Variants in MACROD2 observed in about 807,000 individuals in gnomAD.
MACROD2 encodes mono-ADP ribosylhydrolase 2.
In MACROD2, 36 loss-of-function variants were observed where a neutral mutation model predicts 70.4. The ratio of observed to expected loss-of-function variants is 0.51; its 90% CI spans 0.39 to 0.68. The LOEUF (loss-of-function observed/expected upper bound fraction) is 0.68, where lower values mean the gene tolerates loss of function less well. Among genes scored for constraint, MACROD2 ranks in the 30% least tolerant of loss-of-function variants. The pLI is 0.00. For missense variants in MACROD2, 496 were observed against 538.4 expected, an observed-to-expected ratio of 0.92 and a Z score of 0.78; for synonymous variants, 172 against 178.8, an observed-to-expected ratio of 0.96 and a Z score of 0.30.
intron 3 of MACROD2, among the ~76,000 whole-genome samples, chr20:14,396,081 A>G (rs895304398): frequency 6.6e-6 from 1 of 152,204 alleles, no homozygotes; most frequent in Non-Finnish European, 1.5e-5. Flanking sequence ...CTTCATTGTG[A>G]TAGGACAATA....
At chr20:14,191,524 T>C (rs2081387944) in intron 3 of MACROD2, among the ~76,000 whole-genome samples, 1 of 152,120 alleles carries the variant, frequency 6.6e-6, no homozygotes, top group Non-Finnish European at 1.5e-5. Context: ...ACCTATACCC[T>C]CGTGGAGATA....
intron 5 of MACROD2, among the ~76,000 whole-genome samples, chr20:15,111,241 C>T (rs1437805171): frequency 1.3e-5 from 2 of 149,688 alleles, no homozygotes; most frequent in Non-Finnish European, 3.0e-5. Context: ...GGCGCAATCT[C>T]GGCTCACTGC....
chr20:14,922,614 C>T (rs1465555022), intron 5 of MACROD2, among the ~76,000 whole-genome samples: 1 of 152,128 alleles, frequency 6.6e-6, no homozygotes, highest in Non-Finnish European at 1.5e-5. Flanking sequence ...ATTGAATCTA[C>T]AGCTTTACCG....
At chr20:15,565,777 G>A (rs1395409537) in intron 8 of MACROD2, among the ~76,000 whole-genome samples, 6 of 152,014 alleles carry the variant, frequency 3.9e-5, no homozygotes, top group South Asian at 4.2e-4. Flanking sequence ...TTTTACAGAC[G>A]CGGTCTGGCT....
intron 3 of MACROD2, among the ~76,000 whole-genome samples, chr20:14,349,806 C>CT: frequency 7.0e-6 from 1 of 142,666 alleles, no homozygotes; most frequent in Non-Finnish European, 1.5e-5. Flanking sequence ...GAATCTTATT[C>CT]TTTTTTTCTT....
intron 5 of MACROD2, among the ~76,000 whole-genome samples, chr20:15,136,403 T>C (rs546187665): frequency 2.0e-5 from 3 of 151,960 alleles, no homozygotes; most frequent in Admixed American, 2.0e-4. Context: ...TCAGAAATAA[T>C]GCCGCATATC....
chr20:15,823,314 G>GTA lies in MACROD2; in HGVS notation c.646-39430_646-39429insAT, dbSNP rs1472424875. Among the ~76,000 whole-genome samples, 535 of 138,458 alleles carry GTA rather than the reference G, an allele frequency of 3.9e-3. 1 individual carries two copies. Among genetic ancestry groups the GTA allele is most frequent in the South Asian group, 0.01 (46 of 4,480 alleles). 90.8% of individuals were successfully genotyped at this position (138,458 alleles called of 152,430 possible). ...TGTGTGTGTGTGTGTGTGTGTGTGT[G>GTA]TGTGTGTCTATAGCTGTCTATGCGA... On this transcript the variant is annotated intron_variant, in intron 8 of 17. Transcript: ENST00000684519.
chr20:14,620,264 A>G (rs73899217), intron 4 of MACROD2, among the ~76,000 whole-genome samples: 2,846 of 152,130 alleles, frequency 0.019, 65 homozygotes, highest in African/African-American at 0.043. Context: ...CTCCTGTCCA[A>G]GTGACCCATA....
At chr20:14,945,803 G>T (rs2122718834) in intron 5 of MACROD2, among the ~76,000 whole-genome samples, 1 of 152,220 alleles carries the variant, frequency 6.6e-6, no homozygotes, top group East Asian at 1.9e-4. Flanking sequence ...AAACTTAGTA[G>T]CTCACTATTT....
At chr20:14,392,453 G>A (rs1427118309) in intron 3 of MACROD2, among the ~76,000 whole-genome samples, 1 of 151,996 alleles carries the variant, frequency 6.6e-6, no homozygotes, top group Non-Finnish European at 1.5e-5. Context: ...TCCTTTGAGA[G>A]GGTTTTAAAT....
At chr20:16,024,948 G>A (rs1456859688) in intron 15 of MACROD2, among the ~76,000 whole-genome samples, 2 of 152,004 alleles carry the variant, frequency 1.3e-5, no homozygotes, top group Non-Finnish European at 2.9e-5. Context: ...CTTTTTGTTT[G>A]TTTGTTTGTT....
intron 7 of MACROD2, among the ~76,000 whole-genome samples, chr20:15,486,679 A>G (rs186056939): frequency 6.6e-6 from 1 of 152,164 alleles, no homozygotes; most frequent in African/African-American, 2.4e-5. Flanking sequence ...TATTATGCAG[A>G]GAATATTTTT....
intron 5 of MACROD2, among the ~76,000 whole-genome samples, chr20:14,743,707 A>G (rs954373784): frequency 1.3e-5 from 2 of 152,220 alleles, no homozygotes; most frequent in Non-Finnish European, 2.9e-5. Flanking sequence ...AGTAGGTTGA[A>G]TAATGTCCTT....
chr20:15,095,556 A>C lies in MACROD2; in HGVS notation c.419-134384A>C, dbSNP rs553944990. Reference sequence around the variant, plus strand: ...TTTTTGAGACAGGGTCTTGCTCTGTAGCCCAGGCTGGAGTGCAGTGGCACA... The same window carrying C: ...TTTTTGAGACAGGGTCTTGCTCTGTCGCCCAGGCTGGAGTGCAGTGGCACA... On this transcript the variant is annotated intron_variant, in intron 5 of 17. Transcript: ENST00000684519. Among the ~76,000 whole-genome samples the C allele has an allele frequency of 1.7e-3, 259 of 151,420 alleles. 1 individual carries two copies. Among genetic ancestry groups the C allele is most frequent in the African/African-American group, 6.0e-3 (247 of 41,256 alleles).
chr20:14,649,397 G>A (rs1044175293), intron 4 of MACROD2, among the ~76,000 whole-genome samples: 1 of 152,188 alleles, frequency 6.6e-6, no homozygotes, highest in Non-Finnish European at 1.5e-5. Flanking sequence ...CTGGATGATA[G>A]CAATTTAAGT....
At chr20:15,301,866 C>T (rs1278898715) in intron 6 of MACROD2, among the ~76,000 whole-genome samples, 3 of 152,122 alleles carry the variant, frequency 2.0e-5, no homozygotes, top group Non-Finnish European at 4.4e-5. Context: ...TCTCTCGCGT[C>T]TCATTTTTCC....
chr20:15,798,513 G>C (rs1006830803), intron 8 of MACROD2, among the ~76,000 whole-genome samples: 5 of 152,140 alleles, frequency 3.3e-5, no homozygotes, highest in East Asian at 1.9e-4. Flanking sequence ...GGAAAGTCAC[G>C]AGCATCACTT....
At chr20:15,685,053 T>A (rs1012988123) in intron 8 of MACROD2, among the ~76,000 whole-genome samples, 1 of 152,124 alleles carries the variant, frequency 6.6e-6, no homozygotes, top group African/African-American at 2.4e-5. Context: ...ATAAGTAACA[T>A]TATTATTATT....
intron 5 of MACROD2, among the ~76,000 whole-genome samples, chr20:15,053,244 G>A (rs151178675): frequency 4.6e-5 from 7 of 152,338 alleles, no homozygotes; most frequent in African/African-American, 1.2e-4. Flanking sequence ...CCAAATGACA[G>A]ATTTTCAACG....
Sources: gnomAD v4.1 joint callset for allele counts (sites outside exome capture counted in the v4.1 genomes callset) on GRCh38, gnomAD v4.1.1 for gene constraint, MANE v1.5 for transcripts, NCBI Gene and HGNC (gene_info 2026-07-23, HGNC 2026-07-21) for gene names.